Variants in LPP observed in about 807,000 individuals in gnomAD.
LPP encodes lipoma-preferred partner.
A neutral mutation model predicts 60.4 loss-of-function variants in LPP; 38 were observed. That is an observed-to-expected ratio of 0.63 (90% confidence interval 0.49 to 0.83). The LOEUF is 0.83. Among genes scored for constraint, LPP ranks in the 40% least tolerant of loss-of-function variants. LPP has a pLI of 0.00. For missense variants in LPP, 902 were observed against 783.6 expected (o/e 1.15, Z -1.80); for synonymous variants, 328 against 290.8 (o/e 1.13, Z -1.30).
At chr3:188,584,817 C>T (rs1837076418) in intron 6 of LPP, among the ~76,000 whole-genome samples, 1 of 151,686 alleles carries the variant, frequency 6.6e-6, no homozygotes, top group Non-Finnish European at 1.5e-5. Flanking sequence ...TCTTTTCTAC[C>T]AACCTTTTTT....
chr3:188,283,844 G>A (rs1254489820), intron 2 of LPP, among the ~76,000 whole-genome samples: 1 of 152,066 alleles, frequency 6.6e-6, no homozygotes, highest in Non-Finnish European at 1.5e-5. Context: ...AGGCGTGGTG[G>A]TACATGCCTG....
At chr3:188,387,331 C>T (rs1205742602) in intron 3 of LPP, among the ~76,000 whole-genome samples, 1 of 152,006 alleles carries the variant, frequency 6.6e-6, no homozygotes, top group Non-Finnish European at 1.5e-5. Context: ...ATAAATTACC[C>T]ATCATGCTGT....
At chr3:188,424,849 G>A (rs1788850712) in intron 4 of LPP, among the ~76,000 whole-genome samples, 1 of 152,154 alleles carries the variant, frequency 6.6e-6, no homozygotes, top group Admixed American at 6.5e-5. Flanking sequence ...TTTGGGTTGA[G>A]ATTTTGGGAT....
At chr3:188,694,707 AAAAT>A (rs1862852443) in intron 7 of LPP, among the ~76,000 whole-genome samples, 2 of 150,768 alleles carry the variant, frequency 1.3e-5, no homozygotes, top group Non-Finnish European at 2.9e-5. Context: ...CAAAAAAAAA[AAAAT>A]AAATAAAAAC....
At chr3:188,307,992 G>A (rs149939575) in intron 2 of LPP, among the ~76,000 whole-genome samples, 11 of 152,088 alleles carry the variant, frequency 7.2e-5, no homozygotes, top group African/African-American at 1.4e-4. Flanking sequence ...TAACACATTC[G>A]TATTACCTCT....
chr3:188,737,772 A>G (rs1008577047), intron 8 of LPP, among the ~76,000 whole-genome samples: 1 of 152,124 alleles, frequency 6.6e-6, no homozygotes, highest in Non-Finnish European at 1.5e-5. Flanking sequence ...TACATAGAGA[A>G]CTGTAGATTC....
At chr3:188,624,368 G>A (rs1159870872) in intron 7 of LPP, among the ~76,000 whole-genome samples, 3 of 152,170 alleles carry the variant, frequency 2.0e-5, no homozygotes, top group Non-Finnish European at 2.9e-5. Flanking sequence ...CAAAATGAAT[G>A]TTCCATTTAC....
At chr3:188,359,619 C>T (rs888649336) in intron 3 of LPP, among the ~76,000 whole-genome samples, 4 of 152,172 alleles carry the variant, frequency 2.6e-5, no homozygotes, top group Non-Finnish European at 5.9e-5. Flanking sequence ...CCTTAATCCC[C>T]TCAACTACCC....
rs546002762 is a variant in LPP at position 188,279,689 on chromosome 3, C to T, written c.-67+54162C>T. On this transcript the variant is annotated intron_variant, in intron 2 of 11. Coordinates refer to ENST00000617246, the MANE Select transcript of LPP (RefSeq NM_001375462.1). ...GTAATTAGCAGGCTTGATTATCTCA[C>T]TGGTTCAACACACATTTTAGGGATG... 1.6e-4 allele frequency among the ~76,000 whole-genome samples: 25 copies of T among 152,332 alleles called. 1 individual carries two copies. The South Asian group carries it at 4.8e-3, about 29-fold the overall frequency.
rs150073812 is a variant in LPP at position 188,652,504 on chromosome 3, A to C, written c.1113+42660A>C. The stretch of plus-strand genomic sequence containing the variant: ...CAATTAAACAGATTCTGTACAACAG[A>C]TTCTGTATAATGCAAAACAGAACCG... On this transcript the variant is annotated intron_variant, in intron 7 of 11. Transcript: ENST00000617246. Among the ~76,000 whole-genome samples, 26 of 152,268 alleles carry C rather than the reference A, an allele frequency of 1.7e-4. 1 individual carries two copies. Among genetic ancestry groups the C allele is most frequent in the African/African-American group, 6.0e-4 (25 of 41,542 alleles).
chr3:188,212,660 T>TA (rs1711711353), intron 1 of LPP: 1 of 141,722 alleles, frequency 7.1e-6, no homozygotes, highest in Admixed American at 7.0e-5. Context: ...CCCCCACCCT[T>TA]CCCCCTTCAT....
At chr3:188,491,194 T>C (rs1341109132) in intron 5 of LPP, among the ~76,000 whole-genome samples, 7 of 152,282 alleles carry the variant, frequency 4.6e-5, no homozygotes, top group South Asian at 2.1e-4. Flanking sequence ...CTCACAGAAA[T>C]AGGCAGCTGA....
At chr3:188,674,816 T>C (rs1169616787) in intron 7 of LPP, among the ~76,000 whole-genome samples, 1 of 152,214 alleles carries the variant, frequency 6.6e-6, no homozygotes, top group Non-Finnish European at 1.5e-5. Flanking sequence ...TCTATGCTTT[T>C]TCCACCTCAT....
In LPP at chr3:188,284,759, G is replaced by A. The variant is rs186702905; in HGVS notation, c.-66-56904G>A. Among the ~76,000 whole-genome samples the A allele has an allele frequency of 1.5e-4, 23 of 152,278 alleles. No individual in the cohort carries two copies. In the East Asian group the frequency reaches 2.3e-3, roughly 15 times the overall value. On this transcript the variant is annotated intron_variant, in intron 2 of 11. Transcript: ENST00000617246. Reference sequence around the variant, plus strand: ...CGGTGCTAAGTTTAGTAATGACTGCGAGAGACAAAAACGGGCAGGGGGAGC... The same window carrying A: ...CGGTGCTAAGTTTAGTAATGACTGCAAGAGACAAAAACGGGCAGGGGGAGC...
chr3:188,640,203 T>C (rs1254245692), intron 7 of LPP, among the ~76,000 whole-genome samples: 1 of 150,868 alleles, frequency 6.6e-6, no homozygotes, highest in Non-Finnish European at 1.5e-5. Flanking sequence ...AAATGATGAG[T>C]TCATGTCCTT....
At chr3:188,620,562 T>C (rs920149806) in intron 7 of LPP, among the ~76,000 whole-genome samples, 2 of 152,232 alleles carry the variant, frequency 1.3e-5, no homozygotes, top group African/African-American at 2.4e-5. Flanking sequence ...TTTTCATCAA[T>C]TGATGAACAT....
chr3:188,860,506 C>G (rs1286893877), intron 9 of LPP, among the ~76,000 whole-genome samples: 2 of 152,254 alleles, frequency 1.3e-5, no homozygotes, highest in Admixed American at 6.5e-5. Context: ...GGCAACCGCT[C>G]AGGAACTCTG....
chr3:188,563,727 TG>T (rs1386641129), intron 6 of LPP, among the ~76,000 whole-genome samples: 4 of 31,332 alleles, frequency 1.3e-4, no homozygotes, highest in East Asian at 0.053. Flanking sequence ...TGTTTTTTTT[TG>T]TTTTTTTTTT....
chr3:188,276,449 G>A (rs922000458), intron 2 of LPP, among the ~76,000 whole-genome samples: 51 of 152,286 alleles, frequency 3.3e-4, no homozygotes, highest in African/African-American at 1.2e-3. Flanking sequence ...GTGGCCCTGG[G>A]GCCTCTGGGG....
Sources: allele counts gnomAD v4.1 joint callset (sites outside exome capture counted in the v4.1 genomes callset), GRCh38; gene constraint gnomAD v4.1.1; transcripts MANE v1.5; gene names NCBI Gene and HGNC (gene_info 2026-07-23, HGNC 2026-07-21).